The following CTNNA3 variants were observed in gnomAD, a reference collection of about 807,000 sequenced individuals.
CTNNA3 encodes the protein catenin alpha 3.
In CTNNA3, 76 loss-of-function variants were observed where a neutral mutation model predicts 95.7. The observed-to-expected ratio is 0.79, with a 90% CI of 0.66 to 0.96. The LOEUF (loss-of-function observed/expected upper bound fraction) is 0.96, where lower values mean the gene tolerates loss of function less well. CTNNA3 is among the 40% of genes least tolerant of loss of function. The probability of loss-of-function intolerance (pLI) is 0.00; values close to 1 mark genes in which losing one functional copy is unlikely to be tolerated. For missense variants in CTNNA3, 1,191 were observed against 1,089.8 expected (o/e 1.09, Z -1.31); for synonymous variants, 431 against 374.4 (o/e 1.15, Z -1.74).
chr10:66,653,263 T>C (rs1845971069), intron 9 of CTNNA3, among the ~76,000 whole-genome samples: 1 of 152,098 alleles, frequency 6.6e-6, no homozygotes, highest in Admixed American at 6.5e-5. Context: ...ATTCAGAAAG[T>C]TGCAGGATAC....
chr10:66,907,893 CTGA>C (rs1846059682), intron 7 of CTNNA3, among the ~76,000 whole-genome samples: 1 of 152,128 alleles, frequency 6.6e-6, no homozygotes, highest in Admixed American at 6.5e-5. Context: ...ATCATAGGAA[CTGA>C]CCAAAAAAAT....
At chr10:66,190,320 A>T (rs1376097730) in intron 13 of CTNNA3, among the ~76,000 whole-genome samples, 2 of 152,180 alleles carry the variant, frequency 1.3e-5, no homozygotes, top group African/African-American at 4.8e-5. Flanking sequence ...TCAAACAAGA[A>T]TTCTTCATCC....
At chr10:66,879,853 T>C (rs139685100) in intron 7 of CTNNA3, among the ~76,000 whole-genome samples, 266 of 152,154 alleles carry the variant, frequency 1.7e-3, no homozygotes, top group African/African-American at 6.3e-3. Flanking sequence ...TGAGTGTTCA[T>C]GTTGGAGATA....
chr10:66,331,377 G>T (rs185531923), intron 12 of CTNNA3, among the ~76,000 whole-genome samples: 2 of 83,848 alleles, frequency 2.4e-5, no homozygotes, highest in Admixed American at 1.4e-4. Context: ...TTTTTGAGAC[G>T]GAGTTTTGCT....
intron 12 of CTNNA3, among the ~76,000 whole-genome samples, chr10:66,334,796 G>A (rs2092375623): frequency 6.6e-6 from 1 of 152,054 alleles, no homozygotes; most frequent in Non-Finnish European, 1.5e-5. Context: ...CTAGATTGGG[G>A]AAGTTCTCCT....
intron 12 of CTNNA3, among the ~76,000 whole-genome samples, chr10:66,303,442 C>A (rs910083535): frequency 3.3e-5 from 5 of 152,084 alleles, no homozygotes; most frequent in Non-Finnish European, 7.4e-5. Flanking sequence ...AATTTTTACA[C>A]AGACAATGCA....
chr10:66,443,103 T>G (rs1443795064), intron 11 of CTNNA3, among the ~76,000 whole-genome samples: 1 of 151,950 alleles, frequency 6.6e-6, no homozygotes, highest in Non-Finnish European at 1.5e-5. Flanking sequence ...ACAGGGAGGC[T>G]GGGGGAGGGG....
intron 7 of CTNNA3, among the ~76,000 whole-genome samples, chr10:67,001,971 A>G (rs549031013): frequency 6.6e-6 from 1 of 152,304 alleles, no homozygotes; most frequent in Non-Finnish European, 1.5e-5. Context: ...GAGGAAGCAG[A>G]GAGTGCAGAA....
chr10:67,148,756 T>C (rs908285544), intron 7 of CTNNA3, among the ~76,000 whole-genome samples: 3 of 152,178 alleles, frequency 2.0e-5, no homozygotes, highest in African/African-American at 7.2e-5. Flanking sequence ...TGAAAACACA[T>C]AGCAATTTAT....
At chr10:67,319,263 T>C (rs546045697) in intron 5 of CTNNA3, among the ~76,000 whole-genome samples, 1 of 152,324 alleles carries the variant, frequency 6.6e-6, no homozygotes, top group East Asian at 1.9e-4. Context: ...AGACTTTGCT[T>C]CTTTTCCCTT....
chr10:67,589,774 G>T (rs1842738113), intron 3 of CTNNA3, among the ~76,000 whole-genome samples: 1 of 152,132 alleles, frequency 6.6e-6, no homozygotes, highest in African/African-American at 2.4e-5. Flanking sequence ...CTTACCCTCT[G>T]TGGGGATCTC....
At chr10:66,430,359 C>CA (rs1273534557) in intron 11 of CTNNA3, among the ~76,000 whole-genome samples, 4 of 151,974 alleles carry the variant, frequency 2.6e-5, no homozygotes, top group Non-Finnish European at 4.4e-5. Context: ...ATGCCATCCC[C>CA]TCAAGCTACC....
intron 15 of CTNNA3, among the ~76,000 whole-genome samples, chr10:66,011,056 T>C (rs74511139): frequency 0.013 from 1,925 of 152,334 alleles, 32 homozygotes; most frequent in African/African-American, 0.045. Context: ...CTGGCTAATC[T>C]TGTGTTGATT....
At chr10:66,223,758 G>A (rs2131987525) in intron 13 of CTNNA3, among the ~76,000 whole-genome samples, 1 of 152,284 alleles carries the variant, frequency 6.6e-6, no homozygotes, top group Admixed American at 6.5e-5. Flanking sequence ...ACCACAGGGT[G>A]CCAGATAAAA....
intron 1 of CTNNA3, among the ~76,000 whole-genome samples, chr10:67,668,963 C>T (rs756942976): frequency 1.3e-5 from 2 of 151,690 alleles, no homozygotes; most frequent in East Asian, 1.9e-4. Flanking sequence ...CTCAGCCTCC[C>T]GAGCAGCTGG....
chr10:67,513,034 C>T (rs1839690364), intron 5 of CTNNA3, among the ~76,000 whole-genome samples: 2 of 152,080 alleles, frequency 1.3e-5, no homozygotes, highest in African/African-American at 4.8e-5. Flanking sequence ...AAAGGCACTA[C>T]TGAATTATTT....
At chr10:67,556,054 A>C (rs749350568) in intron 3 of CTNNA3, among the ~76,000 whole-genome samples, 2 of 152,148 alleles carry the variant, frequency 1.3e-5, no homozygotes, top group Admixed American at 6.5e-5. Flanking sequence ...GATGGATTAC[A>C]TTTATTGATT....
At chr10:66,633,446 C>T (rs1589045660) in intron 9 of CTNNA3, among the ~76,000 whole-genome samples, 2 of 152,056 alleles carry the variant, frequency 1.3e-5, no homozygotes, top group African/African-American at 2.4e-5. Flanking sequence ...TTTGGGAGGC[C>T]AAGGCGGGCA....
chr10:66,124,877 T>C (rs2082742000), intron 13 of CTNNA3, among the ~76,000 whole-genome samples: 1 of 152,146 alleles, frequency 6.6e-6, no homozygotes, highest in Non-Finnish European at 1.5e-5. Context: ...CGATGACACA[T>C]GGGAATTGTG....
Sources: allele counts gnomAD v4.1 joint callset (sites outside exome capture counted in the v4.1 genomes callset), GRCh38; gene constraint gnomAD v4.1.1; transcripts MANE v1.5; gene names NCBI Gene and HGNC (gene_info 2026-07-23, HGNC 2026-07-21).